The following THRSP variants were observed in gnomAD, a reference collection of about 807,000 sequenced individuals.
THRSP encodes the protein thyroid hormone responsive, also known as thyroid hormone-inducible hepatic protein.
THRSP carries 9 observed loss-of-function variants against 11.1 expected under a neutral mutation model. The observed-to-expected ratio is 0.81, with a 90% CI of 0.49 to 1.42. The LOEUF is 1.42. Ranked by LOEUF, THRSP falls within the 40% of genes most tolerant of loss-of-function variation. THRSP has a pLI of 0.00. For missense variants in THRSP, 177 were observed against 188.2 expected (o/e 0.94, Z 0.35); for synonymous variants, 73 against 78.1 (o/e 0.94, Z 0.34).
At chr11:78,067,446 G>A (rs1257557479) in intron 1 of THRSP, among the ~76,000 whole-genome samples, 3 of 152,212 alleles carry the variant, frequency 2.0e-5, no homozygotes, top group African/African-American at 4.8e-5. Flanking sequence ...TTACCTTTCT[G>A]TATCTGTTTC....
chr11:78,064,947 C>T (rs1230861876), intron 1 of THRSP, among the ~76,000 whole-genome samples: 1 of 150,004 alleles, frequency 6.7e-6, no homozygotes, highest in African/African-American at 2.5e-5. Flanking sequence ...TGAGATTGTG[C>T]CACTGCACTC....
chr11:78,067,236 C>T (rs1044633919), intron 1 of THRSP, among the ~76,000 whole-genome samples: 3 of 152,080 alleles, frequency 2.0e-5, no homozygotes, highest in Non-Finnish European at 2.9e-5. Flanking sequence ...AGTCTCCTGC[C>T]TCAGCCTCCC....
In THRSP at chr11:78,064,119, T is replaced by A. The variant is rs374559163; in HGVS notation, c.238T>A (p.Trp80Arg). The A allele has an allele frequency of 1.2e-4, 191 of 1,610,828 alleles. No individual in the cohort carries two copies. The highest frequency in any genetic ancestry group is 1.6e-4 in the Non-Finnish European group (184 of 1,179,132). The change falls in exon 1 of 2, where the codon TGG (tryptophan) becomes AGG (arginine). Residue 80 changes from tryptophan (W) to arginine (R), a missense_variant. Physicochemically the swap from Trp to Arg is moderately radical, Grantham distance 101. Coordinates refer to ENST00000281030, the MANE Select transcript of THRSP (RefSeq NM_003251.4). The part of the protein sequence containing the change: ...VDHGLLPREE[W>R]QAKVAGSEEN... Reference sequence around the variant, plus strand: ...CCATGGGCTGCTGCCGCGGGAGGAGTGGCAGGCCAAGGTGGCAGGCAGCGA... The same window carrying A: ...CCATGGGCTGCTGCCGCGGGAGGAGAGGCAGGCCAAGGTGGCAGGCAGCGA...
Position 78,067,280 on chromosome 11 carries a change from C to T in THRSP, c.*20-379C>T, listed in dbSNP as rs146878097. ...GGGATTACAGGCTCACGCCACCATG[C>T]CTGGCTAATTTTTGTACTTTTAGTA... On this transcript the variant is annotated intron_variant, in intron 1 of 1. Coordinates refer to ENST00000281030, the MANE Select transcript of THRSP (RefSeq NM_003251.4). 7.9e-3 allele frequency among the ~76,000 whole-genome samples: 1,204 copies of T among 152,202 alleles called. 16 individuals carry two copies. Among genetic ancestry groups the T allele is most frequent in the African/African-American group, 0.027 (1,129 of 41,536 alleles).
chr11:78,064,507 C>T (rs547510517), intron 1 of THRSP, among the ~76,000 whole-genome samples, 166 bp downstream of exon 1: 7 of 152,244 alleles, frequency 4.6e-5, no homozygotes, highest in Admixed American at 1.3e-4. Context: ...AAGACTAGGC[C>T]TGTGTTACTA....
Position 78,064,141 on chromosome 11 carries a change from G to A in THRSP, c.260G>A (p.Ser87Asn). 6.2e-7 allele frequency: 1 copy of A among 1,614,166 alleles called. No homozygotes were observed. Among genetic ancestry groups the A allele is most frequent in the Admixed American group, 1.7e-5 (1 of 60,016 alleles). ...REEWQAKVAGSEENGTAETEE... is the reference protein window; with the variant it reads ...REEWQAKVAGNEENGTAETEE... Reference sequence around the variant, plus strand: ...GAGTGGCAGGCCAAGGTGGCAGGCAGCGAAGAGAATGGAACCGCAGAGACA... The same window carrying A: ...GAGTGGCAGGCCAAGGTGGCAGGCAACGAAGAGAATGGAACCGCAGAGACA... The change falls in exon 1 of 2, where the codon AGC becomes AAC. Residue 87 changes from serine (S) to asparagine (N), a missense_variant. Transcript: ENST00000281030.
rs1858669670 is a variant in THRSP, at chr11:78,064,324, C to A, written c.*2C>A. 3.7e-6 allele frequency: 6 copies of A among 1,603,924 alleles called. No individual in the cohort carries two copies. Among genetic ancestry groups the A allele is most frequent in the East Asian group, 2.2e-5 (1 of 44,750 alleles). On this transcript the variant is annotated 3_prime_UTR_variant, in exon 1 of 2. Transcript: ENST00000281030. ...GAAATGACGGGACAAGTTTGGTAGA[C>A]CTTGGACACTAGGGAAGGTAATGGT...
At position 78,067,727 on chromosome 11, in the gene THRSP, G is replaced by C. The variant is rs7927075; in HGVS notation, c.*88G>C. 1.3e-3 allele frequency: 202 copies of C among 152,372 alleles called. No homozygotes were observed. The highest frequency in any genetic ancestry group is 4.8e-3 in the African/African-American group (198 of 41,590). The allele number at this position is 152,372 out of a possible 1,614,324, so 9.4% of individuals were successfully genotyped here. On this transcript the variant is annotated 3_prime_UTR_variant, in exon 2 of 2. Coordinates refer to ENST00000281030, the MANE Select transcript of THRSP (RefSeq NM_003251.4). The stretch of plus-strand genomic sequence containing the variant: ...GGAGCAGTTCACTAGCCAATGATGA[G>C]AGCAGAAAGGCCTAGACCTGCAGCC...
rs1406594397 is a variant in THRSP at position 78,064,765 on chromosome 11, GGATCAT to G, written c.*19+427_*19+432del. 2.6e-5 allele frequency among the ~76,000 whole-genome samples: 4 copies of G among 152,058 alleles called. No homozygotes were observed. The East Asian group carries it at 7.7e-4, about 29-fold the overall frequency. On this transcript the variant is annotated intron_variant, in intron 1 of 1. Coordinates refer to ENST00000281030, the MANE Select transcript of THRSP (RefSeq NM_003251.4). ...AGCACTTTGGGAGGCCGAGGCGGGC[GGATCAT>G]GAGGCCAGGAGATTGAGACCATCCT...
Position 78,064,134 on chromosome 11 carries a change from G to T in THRSP, c.253G>T (p.Ala85Ser). The change falls in exon 1 of 2, where the codon GCA (alanine) becomes TCA (serine). Residue 85 changes from alanine to serine, a missense_variant. Coordinates refer to ENST00000281030, the MANE Select transcript of THRSP (RefSeq NM_003251.4). Reference sequence around the variant, plus strand: ...GCGGGAGGAGTGGCAGGCCAAGGTGGCAGGCAGCGAAGAGAATGGAACCGC... The same window carrying T: ...GCGGGAGGAGTGGCAGGCCAAGGTGTCAGGCAGCGAAGAGAATGGAACCGC... ...LPREEWQAKV[A>S]GSEENGTAET... 6.2e-7 allele frequency: 1 copy of T among 1,614,164 alleles called. No individual in the cohort carries two copies. Among genetic ancestry groups the T allele is most frequent in the Non-Finnish European group, 8.5e-7 (1 of 1,180,028 alleles).
chr11:78,066,829 T>C (rs1452832411), intron 1 of THRSP, among the ~76,000 whole-genome samples: 3 of 152,236 alleles, frequency 2.0e-5, no homozygotes, highest in South Asian at 4.2e-4. Flanking sequence ...TGTATTATCC[T>C]AGACAACTTT....
chr11:78,067,795 C>G lies in THRSP; in HGVS notation c.*156C>G, dbSNP rs1858809153. 6.6e-6 allele frequency: 1 copy of G among 152,280 alleles called. No individual in the cohort carries two copies. Among genetic ancestry groups the G allele is most frequent in the Admixed American group, 6.5e-5 (1 of 15,288 alleles). The allele number at this position is 152,280 out of a possible 1,614,324, so 9.4% of individuals were successfully genotyped here. A position where few individuals can be genotyped will look rare whatever the true frequency, so the allele number is the denominator to read the frequency against. ...AGTTCTCCGGGATGCTTCTCTACCT[C>G]CTGAGCACCAATTCCTGGATTCCAG... On this transcript the variant is annotated 3_prime_UTR_variant, in exon 2 of 2. Transcript: ENST00000281030.
intron 1 of THRSP, among the ~76,000 whole-genome samples, chr11:78,067,227 G>C (rs552610022): frequency 2.0e-5 from 3 of 148,610 alleles, no homozygotes; most frequent in African/African-American, 7.5e-5. Flanking sequence ...ATTCAAGCAA[G>C]TCTCCTGCCT....
Position 78,063,913 on chromosome 11 carries a change from A to G in THRSP, c.32A>G (p.Asn11Ser), listed in dbSNP as rs1415289607. 1.3e-6 allele frequency: 2 copies of G among 1,594,598 alleles called. No homozygotes were observed. The highest frequency in any genetic ancestry group is 1.7e-6 in the Non-Finnish European group (2 of 1,170,728). ...GTGCTAACCAAGCGTTACCCCAAGAACTGCCTGCTGACCGTCATGGACCGG... is the reference window on the plus strand; with the variant it reads ...GTGCTAACCAAGCGTTACCCCAAGAGCTGCCTGCTGACCGTCATGGACCGG... Reference protein sequence around the residue: MQVLTKRYPKNCLLTVMDRYA... With the variant: MQVLTKRYPKSCLLTVMDRYA... Residue 11 changes from asparagine to serine, a missense_variant, in exon 1 of 2, where the codon AAC becomes AGC. By Grantham distance (46) the Asn-to-Ser change is conservative. Transcript: ENST00000281030.
chr11:78,064,296 C>G lies in THRSP; in HGVS notation c.415C>G (p.Gln139Glu). 2.5e-6 allele frequency: 4 copies of G among 1,612,036 alleles called. No homozygotes were observed. The highest frequency in any genetic ancestry group is 3.4e-6 in the Non-Finnish European group (4 of 1,179,076). Residue 139 changes from glutamine to glutamate, a missense_variant, in exon 1 of 2, where the codon CAG becomes GAG. By Grantham distance (29) the Gln-to-Glu change is conservative. Transcript: ENST00000281030. ...EKAQEVTRKY[Q>E]EMTGQVW is the part of the protein sequence containing the mutation. ...AGCCCAGGAGGTGACAAGGAAATAC[C>G]AGGAAATGACGGGACAAGTTTGGTA...
At chr11:78,067,120 C>CA (rs1858777443) in intron 1 of THRSP, among the ~76,000 whole-genome samples, 1 of 106,006 alleles carries the variant, frequency 9.4e-6, no homozygotes, top group African/African-American at 4.3e-5. Context: ...CCACCGCACC[C>CA]AACCTTTTTT....
Position 78,063,936 on chromosome 11 carries a change from C to T in THRSP, c.55C>T (p.Arg19Trp), listed in dbSNP as rs770613377. 3.1e-5 allele frequency: 50 copies of T among 1,609,696 alleles called. No individual in the cohort carries two copies. Among genetic ancestry groups the T allele is most frequent in the Admixed American group, 2.2e-4 (13 of 59,234 alleles). ...GAACTGCCTGCTGACCGTCATGGAC[C>T]GGTATGCAGCCGAGGTGCACAACAT... Reference protein sequence around the residue: ...PKNCLLTVMDRYAAEVHNMEQ... With the variant: ...PKNCLLTVMDWYAAEVHNMEQ... Residue 19 changes from arginine (R) to tryptophan (W), a missense_variant, in exon 1 of 2, where the codon CGG becomes TGG. Coordinates refer to ENST00000281030, the MANE Select transcript of THRSP (RefSeq NM_003251.4).
At chr11:78,064,440 C>G (rs149312937) in intron 1 of THRSP, 99 bp downstream of exon 1, 14 of 1,064,318 alleles carry the variant, frequency 1.3e-5, no homozygotes, top group Non-Finnish European at 1.7e-5. Flanking sequence ...AACAGCCTGA[C>G]TTTCAGACAG....
Position 78,064,213 on chromosome 11 carries a change from C to T in THRSP, c.332C>T (p.Ala111Val), listed in dbSNP as rs1212034201. ...GCCTCAGGAGAGCTGGACCTGGAAG[C>T]CCAGTTCCACCTGCACTTCTCCAGC... ...ESASGELDLE[A>V]QFHLHFSSLH... Residue 111 changes from alanine (A) to valine (V), a missense_variant, in exon 1 of 2, where the codon GCC (alanine) becomes GTC (valine). Ala to Val is a moderately conservative substitution (Grantham distance 64, BLOSUM62 0). Transcript: ENST00000281030. 1 of 1,614,128 alleles carries T rather than the reference C, an allele frequency of 6.2e-7. No homozygotes were observed. Among genetic ancestry groups the T allele is most frequent in the Admixed American group, 1.7e-5 (1 of 60,012 alleles).
Sources: allele counts gnomAD v4.1 joint callset (sites outside exome capture counted in the v4.1 genomes callset), GRCh38; gene constraint gnomAD v4.1.1; transcripts MANE v1.5; gene names NCBI Gene and HGNC (gene_info 2026-07-23, HGNC 2026-07-21).